The following LRRC37A2 variants were observed in gnomAD, a reference collection of about 807,000 sequenced individuals.
The protein encoded by LRRC37A2 is leucine-rich repeat-containing protein 37A2.
LRRC37A2 carries 9 observed loss-of-function variants against 68.8 expected under a neutral mutation model. The ratio of observed to expected loss-of-function variants is 0.13; its 90% CI spans 0.08 to 0.23. The LOEUF (loss-of-function observed/expected upper bound fraction) is 0.23, where lower values mean the gene tolerates loss of function less well. Ranked by LOEUF, LRRC37A2 falls within the 10% of genes least tolerant of loss-of-function variation. The pLI is 1.00. For synonymous variants in LRRC37A2, 63 were observed against 367.6 expected (o/e 0.17, Z 9.48); for missense variants, 168 against 950.4 (o/e 0.18, Z 10.82).
the LRRC37A2 span, among the ~76,000 whole-genome samples, chr17:47,027,200 G>A: frequency 0.012 from 1,781 of 152,060 alleles, 25 homozygotes; most frequent in Middle Eastern, 0.024. Context: ...CTGAGCCACC[G>A]CACCCGGCCC....
At chr17:46,810,826 G>C in the LRRC37A2 span, among the ~76,000 whole-genome samples, 1 of 152,116 alleles carries the variant, frequency 6.6e-6, no homozygotes, top group African/African-American at 2.4e-5. Context: ...CTGAGACTCA[G>C]AACAGTTCAG....
chr17:46,740,725 G>A, the LRRC37A2 span, among the ~76,000 whole-genome samples: 1 of 150,124 alleles, frequency 6.7e-6, no homozygotes, highest in Admixed American at 6.7e-5. Flanking sequence ...ACAATGGCAC[G>A]ATTTCGGCTC....
At chr17:46,911,840 G>A in the LRRC37A2 span, among the ~76,000 whole-genome samples, 6 of 152,242 alleles carry the variant, frequency 3.9e-5, no homozygotes, top group East Asian at 1.9e-4. Context: ...CCGAGATCAC[G>A]CCACTGCACT....
chr17:47,007,058 G>A, the LRRC37A2 span, among the ~76,000 whole-genome samples: 1 of 152,184 alleles, frequency 6.6e-6, no homozygotes, highest in East Asian at 1.9e-4. Flanking sequence ...GGAAAAGTTT[G>A]CAGTATTAAC....
chr17:46,711,128 G>A, the LRRC37A2 span: 1 of 1,490,984 alleles, frequency 6.7e-7, no homozygotes, highest in Non-Finnish European at 8.9e-7. Flanking sequence ...AGGTGAGAAT[G>A]AATGAGGAGA....
chr17:46,935,027 A>G, the LRRC37A2 span: 4 of 1,612,658 alleles, frequency 2.5e-6, no homozygotes, highest in Non-Finnish European at 1.7e-6. Flanking sequence ...TTTCTTTCAC[A>G]GGACTCTGAC....
chr17:46,996,773 A>C, the LRRC37A2 span, among the ~76,000 whole-genome samples: 2 of 152,186 alleles, frequency 1.3e-5, no homozygotes, highest in Non-Finnish European at 2.9e-5. Context: ...GGCCTCCCAA[A>C]GCGCTGGGAT....
At chr17:46,760,745 T>TCTAAAAC in the LRRC37A2 span, among the ~76,000 whole-genome samples, 1 of 151,648 alleles carries the variant, frequency 6.6e-6, no homozygotes, top group Admixed American at 6.6e-5. Context: ...TGCTCTAAAA[T>TCTAAAAC]CTAAAACTTT....
At chr17:46,802,066 G>A in the LRRC37A2 span, among the ~76,000 whole-genome samples, 1 of 152,212 alleles carries the variant, frequency 6.6e-6, no homozygotes, top group African/African-American at 2.4e-5. Context: ...CTGTACGCAT[G>A]TTTGTGATAT....
chr17:46,532,101 G>A (rs1333731160), intron 6 of LRRC37A2, among the ~76,000 whole-genome samples: 21 of 150,436 alleles, frequency 1.4e-4, no homozygotes, highest in South Asian at 8.4e-4. Flanking sequence ...GTTTCAGCAC[G>A]TTTATCAGGC....
intron 8 of LRRC37A2, among the ~76,000 whole-genome samples, chr17:46,542,750 G>T (rs1369255738): frequency 6.7e-6 from 1 of 150,172 alleles, no homozygotes; most frequent in Non-Finnish European, 1.5e-5. Context: ...TATGCCTGCG[G>T]GGCCCTATTG....
the LRRC37A2 span, chr17:46,768,307 C>T: frequency 1.9e-6 from 3 of 1,613,304 alleles, no homozygotes; most frequent in South Asian, 3.3e-5. This position sits in a 1 kb window ranked among gnomAD's most constrained non-coding sequence, Gnocchi z 5.0. Flanking sequence ...TTCCCGGAGC[C>T]CTACCTGGTG....
chr17:46,541,828 A>G (rs2055378410), intron 8 of LRRC37A2, among the ~76,000 whole-genome samples: 2 of 151,086 alleles, frequency 1.3e-5, no homozygotes, highest in Non-Finnish European at 2.9e-5. Context: ...ATTTCATAAA[A>G]AAGAACTCAG....
the LRRC37A2 span, among the ~76,000 whole-genome samples, chr17:46,904,965 G>A: frequency 1.3e-5 from 2 of 152,106 alleles, no homozygotes; most frequent in Non-Finnish European, 2.9e-5. Context: ...CACCCCCACC[G>A]TAAAGAAACC....
chr17:46,941,011 G>C, the LRRC37A2 span: 6 of 1,120,984 alleles, frequency 5.4e-6, no homozygotes, highest in East Asian at 3.7e-4. Flanking sequence ...CTCTAGTGGA[G>C]GCGGGGGTGA....
chr17:46,781,376 A>G, the LRRC37A2 span, among the ~76,000 whole-genome samples: 12 of 151,986 alleles, frequency 7.9e-5, no homozygotes, highest in African/African-American at 2.7e-4. Context: ...CTAGGTAAAG[A>G]CACGCCAGCT....
At chr17:46,880,981 T>C in the LRRC37A2 span, among the ~76,000 whole-genome samples, 1 of 151,990 alleles carries the variant, frequency 6.6e-6, no homozygotes, top group Non-Finnish European at 1.5e-5. Context: ...ATAGGAGAAA[T>C]GAGAAGCACA....
At chr17:46,555,842 G>GA, downstream of LRRC37A2, 1 of 146,728 alleles carries the variant, frequency 6.8e-6, no homozygotes, top group Non-Finnish European at 1.0e-5. Context: ...CTGGTGCTGG[G>GA]AAAGAGTTGA....
chr17:46,996,565 T>C, the LRRC37A2 span, among the ~76,000 whole-genome samples: 1 of 152,212 alleles, frequency 6.6e-6, no homozygotes, highest in Non-Finnish European at 1.5e-5. Context: ...CCTGTGAAGG[T>C]AGGAAAGGGC....
Sources: allele counts gnomAD v4.1 joint callset (sites outside exome capture counted in the v4.1 genomes callset), GRCh38; gene constraint gnomAD v4.1.1; non-coding constraint Gnocchi (gnomAD v3.1); transcripts MANE v1.5; gene names NCBI Gene and HGNC (gene_info 2026-07-23, HGNC 2026-07-21).